Variants in DENND5B observed in about 807,000 individuals in gnomAD.
The protein encoded by DENND5B is DENN domain containing 5B, also known as DENN domain-containing protein 5B.
In DENND5B, 34 loss-of-function variants were observed where a neutral mutation model predicts 140.6. The ratio of observed to expected loss-of-function variants is 0.24; its 90% CI spans 0.18 to 0.32. The LOEUF is 0.32. DENND5B is among the 10% of genes least tolerant of loss of function. The pLI is 1.00. For synonymous variants in DENND5B, 551 were observed against 562.1 expected (o/e 0.98, Z 0.28); for missense variants, 1,142 against 1,560.2 (o/e 0.73, Z 4.52).
intron 1 of DENND5B, among the ~76,000 whole-genome samples, chr12:31,561,709 A>G (rs1387829176): frequency 2.0e-5 from 3 of 152,230 alleles, no homozygotes; most frequent in African/African-American, 7.2e-5. Flanking sequence ...CAAAAAATCA[A>G]TAATTTATTC....
chr12:31,455,034 A>G (rs939113771), intron 4 of DENND5B, among the ~76,000 whole-genome samples: 4 of 150,042 alleles, frequency 2.7e-5, no homozygotes, highest in East Asian at 2.0e-4. Flanking sequence ...GTTAGCCAGG[A>G]TGGTCTCGAT....
At position 31,480,215 on chromosome 12, in the gene DENND5B, T is replaced by G; in HGVS notation, c.278A>C (p.Asp93Ala). 6.3e-7 allele frequency: 1 copy of G among 1,595,972 alleles called. No individual in the cohort carries two copies. Residue 93 changes from aspartate to alanine, a missense_variant, in exon 3 of 21, where the codon GAC (aspartate) becomes GCC (alanine). Transcript: ENST00000389082. ...TGAGTGAAACTGGGGGTCTTTATTG[T>G]CCGTTTGTGTCCTGAAAGATAGCCC... is the stretch of plus-strand genomic sequence containing the variant. ...PKGLSFRTQT[D>A]NKDPQFHSFI...
rs57460264 is a variant in DENND5B, at chr12:31,545,950, C to CAAAAAAAAAAAAA, written c.127+44743_127+44755dup. ...TGGGTGAGAGAGTAAGACACTGTCT[C>CAAAAAAAAAAAAA]AAAAAAAAAAAAAAAAAAAAAGTGG... On this transcript the variant is annotated intron_variant, in intron 1 of 20. Transcript: ENST00000389082. 1.3e-3 allele frequency among the ~76,000 whole-genome samples: 46 copies of CAAAAAAAAAAAAA among 36,382 alleles called. 7 individuals carry two copies. Among genetic ancestry groups the CAAAAAAAAAAAAA allele is most frequent in the African/African-American group, 5.5e-3 (38 of 6,944 alleles). The allele number at this position is 36,382 out of a possible 152,430, so 23.9% of individuals were successfully genotyped here.
chr12:31,413,548 T>C lies in DENND5B; in HGVS notation c.2569A>G (p.Ser857Gly), dbSNP rs368918017. The change falls in exon 13 of 21, where the codon AGT becomes GGT. Residue 857 changes from serine (S) to glycine (G), a missense_variant. Transcript: ENST00000389082. The stretch of plus-strand genomic sequence containing the variant: ...CGTCCAACATCAGTCTTGATCTCAC[T>C]CATGTTTTGAATATGCCTAAAGAAT... ...IQDMRHIQNM[S>G]EIKTDVGRAR... The C allele has an allele frequency of 6.2e-7, 1 of 1,612,676 alleles. No individual in the cohort carries two copies. Among genetic ancestry groups the C allele is most frequent in the Non-Finnish European group, 8.5e-7 (1 of 1,179,328 alleles).
chr12:31,398,040 A>G (rs1941578891), intron 17 of DENND5B, 135 bp downstream of exon 17: 2 of 883,850 alleles, frequency 2.3e-6, no homozygotes, highest in Non-Finnish European at 3.2e-6. Context: ...CGGCTTTTGA[A>G]TATTTATGAA....
intron 15 of DENND5B, among the ~76,000 whole-genome samples, chr12:31,400,247 G>T (rs1000449109): frequency 6.6e-6 from 1 of 152,102 alleles, no homozygotes; most frequent in Non-Finnish European, 1.5e-5. Flanking sequence ...TTTTTTGTGG[G>T]TACACAGTAG....
chr12:31,482,048 G>A (rs1946091114), intron 2 of DENND5B, among the ~76,000 whole-genome samples: 1 of 152,136 alleles, frequency 6.6e-6, no homozygotes, highest in East Asian at 1.9e-4. Flanking sequence ...AAATCTTGAT[G>A]GTGGGATAGG....
Position 31,424,640 on chromosome 12 carries a change from A to C in DENND5B, c.2286T>G (p.Leu762=), listed in dbSNP as rs368773693. 2 of 1,613,836 alleles carry C rather than the reference A, an allele frequency of 1.2e-6. No homozygotes were observed. The highest frequency in any genetic ancestry group is 1.7e-6 in the Non-Finnish European group (2 of 1,179,886). The change falls in exon 10 of 21, where the codon CTT becomes CTG. Residue 762 remains leucine (L), a synonymous_variant. Transcript: ENST00000389082. The stretch of plus-strand genomic sequence containing the variant: ...CGGTGATGTTTGCTTCTCCATGGCC[A>C]AGTTCCACCGCTTCATGTCCCATCT... The part of the protein sequence containing the change: ...VEKMGHEAVE[L]GHGEANITGL...
At chr12:31,457,514 G>C (rs1430334411) in intron 4 of DENND5B, among the ~76,000 whole-genome samples, 1 of 152,112 alleles carries the variant, frequency 6.6e-6, no homozygotes, top group Non-Finnish European at 1.5e-5. Context: ...GGGAAAGGTG[G>C]AGGAAAGTAT....
intron 1 of DENND5B, among the ~76,000 whole-genome samples, chr12:31,539,092 T>C (rs1948604790): frequency 6.6e-6 from 1 of 151,900 alleles, no homozygotes; most frequent in South Asian, 2.1e-4. Context: ...GGATCATTAG[T>C]GGCTGCTATG....
At chr12:31,469,414 T>C (rs1234354802) in intron 3 of DENND5B, among the ~76,000 whole-genome samples, 5 of 151,592 alleles carry the variant, frequency 3.3e-5, no homozygotes, top group African/African-American at 1.2e-4. Context: ...AGGTGCTGGG[T>C]AAGTCCAAGG....
At chr12:31,395,217 T>C (rs1331051152) in intron 17 of DENND5B, among the ~76,000 whole-genome samples, 4 of 152,196 alleles carry the variant, frequency 2.6e-5, no homozygotes, top group African/African-American at 9.6e-5. Context: ...TCTTTATAAA[T>C]GCCAAGATGT....
chr12:31,572,778 G>A (rs1351011712), intron 1 of DENND5B, among the ~76,000 whole-genome samples: 2 of 152,124 alleles, frequency 1.3e-5, no homozygotes, highest in Admixed American at 1.3e-4. Context: ...CATACCTAGA[G>A]ACAACAAATA....
chr12:31,552,261 T>C (rs1206009897), intron 1 of DENND5B, among the ~76,000 whole-genome samples: 15 of 151,932 alleles, frequency 9.9e-5, no homozygotes, highest in Non-Finnish European at 1.5e-5. Context: ...TTATAGAGAG[T>C]TTTTGGCATG....
intron 17 of DENND5B, among the ~76,000 whole-genome samples, chr12:31,397,549 CAAAAAAAAAAA>C (rs1223481557): frequency 1.2e-4 from 6 of 49,320 alleles, no homozygotes; most frequent in African/African-American, 4.4e-4. Context: ...TTCCATCTCA[CAAAAAAAAAAA>C]AAAAAAAAAA....
intron 1 of DENND5B, among the ~76,000 whole-genome samples, chr12:31,589,477 T>C (rs77747251): frequency 0.072 from 10,876 of 151,928 alleles, 526 homozygotes; most frequent in Non-Finnish European, 0.11. Flanking sequence ...AGAAAATGTT[T>C]TGCTCTGAAG....
chr12:31,391,295 C>T (rs141194825), intron 19 of DENND5B, among the ~76,000 whole-genome samples: 2,019 of 152,336 alleles, frequency 0.013, 173 homozygotes, highest in Admixed American at 0.12. Context: ...CAGATATCTA[C>T]ATGGCTCACT....
intron 1 of DENND5B, among the ~76,000 whole-genome samples, chr12:31,518,191 A>G (rs527571801): frequency 2.6e-5 from 4 of 152,236 alleles, no homozygotes; most frequent in Non-Finnish European, 4.4e-5. Context: ...CCACTATCAG[A>G]GACTATGAAC....
intron 2 of DENND5B, among the ~76,000 whole-genome samples, chr12:31,490,912 A>G (rs1215663009): frequency 5.3e-5 from 8 of 152,186 alleles, no homozygotes; most frequent in Admixed American, 1.3e-4. Flanking sequence ...TATAATAGTT[A>G]TTACTCTTTT....
Sources: gnomAD v4.1 joint callset for allele counts (sites outside exome capture counted in the v4.1 genomes callset) on GRCh38, gnomAD v4.1.1 for gene constraint, MANE v1.5 for transcripts, NCBI Gene and HGNC (gene_info 2026-07-23, HGNC 2026-07-21) for gene names.